Variants in SNTB2 observed in about 807,000 individuals in gnomAD.
SNTB2 encodes beta-2-syntrophin.
Under a neutral mutation model 46.2 loss-of-function variants are expected in SNTB2, and 34 were observed. The observed-to-expected ratio is 0.74, with a 90% CI of 0.56 to 0.98. The LOEUF is 0.98. SNTB2 is among the 50% of genes least tolerant of loss of function. The pLI, the probability that SNTB2 is intolerant of heterozygous loss-of-function variation, is 0.00. For missense variants in SNTB2, 603 were observed against 731.4 expected, an observed-to-expected ratio of 0.82 and a Z score of 2.02; for synonymous variants, 290 against 312.6, an observed-to-expected ratio of 0.93 and a Z score of 0.76.
chr16:69,213,266 AG>A (rs1964307757), intron 1 of SNTB2, among the ~76,000 whole-genome samples: 1 of 152,142 alleles, frequency 6.6e-6, no homozygotes, highest in Admixed American at 6.5e-5. Context: ...TGGTAGTAAA[AG>A]GGGTGATTTC....
intron 1 of SNTB2, among the ~76,000 whole-genome samples, chr16:69,241,532 C>A (rs1463172485): frequency 1.3e-5 from 2 of 150,664 alleles, no homozygotes; most frequent in Non-Finnish European, 3.0e-5. Context: ...AGCCTGTAAT[C>A]CCAGCACTTT....
At chr16:69,235,761 A>G in intron 1 of SNTB2, 1 of 1,289,352 alleles carries the variant, frequency 7.8e-7, no homozygotes, top group Middle Eastern at 2.1e-4. Context: ...TATAATGAGG[A>G]AATTTCTGTC....
intron 1 of SNTB2, among the ~76,000 whole-genome samples, chr16:69,204,166 A>G (rs1230870301): frequency 6.6e-6 from 1 of 152,158 alleles, no homozygotes; most frequent in Non-Finnish European, 1.5e-5. Context: ...TGCTGGGATT[A>G]CAGGCGTGAG....
intron 1 of SNTB2, among the ~76,000 whole-genome samples, chr16:69,227,018 A>G (rs1964465009): frequency 6.6e-6 from 1 of 152,240 alleles, no homozygotes; most frequent in East Asian, 1.9e-4. Flanking sequence ...AACCTTCAGT[A>G]TATGGAGAGA....
intron 1 of SNTB2, among the ~76,000 whole-genome samples, chr16:69,239,537 T>C (rs1964590194): frequency 6.6e-6 from 1 of 151,622 alleles, no homozygotes. Flanking sequence ...GAATTTATTT[T>C]TATTTATTTA....
chr16:69,259,125 G>T (rs1203367617), intron 2 of SNTB2, among the ~76,000 whole-genome samples: 5 of 151,098 alleles, frequency 3.3e-5, no homozygotes, highest in African/African-American at 4.9e-5. Context: ...AGACTCTACA[G>T]TAAGTTCCCT....
Position 69,204,413 on chromosome 16 carries a change from T to A in SNTB2, c.580+16667T>A, listed in dbSNP as rs28715141. 2.4e-3 allele frequency among the ~76,000 whole-genome samples: 370 copies of A among 152,320 alleles called. 2 individuals carry two copies. The highest frequency in any genetic ancestry group is 6.9e-3 in the African/African-American group (287 of 41,578). Reference sequence around the variant, plus strand: ...AGGTCTTATTCCATATATGGAATATTATTGCTCCTCAAAAGAAAAACATGT... The same window carrying A: ...AGGTCTTATTCCATATATGGAATATAATTGCTCCTCAAAAGAAAAACATGT... On this transcript the variant is annotated intron_variant, in intron 1 of 6. Coordinates refer to ENST00000336278, the MANE Select transcript of SNTB2 (RefSeq NM_006750.4).
chr16:69,198,123 G>T (rs1259959041), intron 1 of SNTB2, among the ~76,000 whole-genome samples: 3 of 148,408 alleles, frequency 2.0e-5, no homozygotes, highest in African/African-American at 7.4e-5. Flanking sequence ...TTTTTTGGGG[G>T]GTAGGGGAAC....
At chr16:69,238,156 G>GC (rs1388882471) in intron 1 of SNTB2, among the ~76,000 whole-genome samples, 2 of 152,142 alleles carry the variant, frequency 1.3e-5, no homozygotes, top group Non-Finnish European at 2.9e-5. Context: ...CCAATGTAGA[G>GC]CCCCAATAGG....
In SNTB2 at chr16:69,300,989, AG is replaced by A; in HGVS notation, c.*66del. The A allele has an allele frequency of 9.7e-7, 1 of 1,035,238 alleles. No homozygotes were observed. 64.1% of individuals were successfully genotyped at this position (1,035,238 alleles called of 1,614,324 possible). A position where few individuals can be genotyped will look rare whatever the true frequency, so the allele number is the denominator to read the frequency against. ...AATATTTCCACCTCAAAAAAAAAAA[AG>A]CACAAAAAGAAACTCTTTGCTCTCC... On this transcript the variant is annotated 3_prime_UTR_variant, in exon 7 of 7. Transcript: ENST00000336278.
intron 5 of SNTB2, among the ~76,000 whole-genome samples, chr16:69,295,889 A>G (rs1965218560): frequency 6.6e-6 from 1 of 152,200 alleles, no homozygotes; most frequent in South Asian, 2.1e-4. Context: ...TGATGTACTC[A>G]ATGTTTAGAG....
chr16:69,291,293 C>T (rs1965156900), intron 5 of SNTB2, among the ~76,000 whole-genome samples: 2 of 152,120 alleles, frequency 1.3e-5, no homozygotes, highest in African/African-American at 4.8e-5. Context: ...GGCCTGGGGA[C>T]TTGCTGGAAA....
intron 2 of SNTB2, among the ~76,000 whole-genome samples, chr16:69,257,107 G>T (rs1441824534): frequency 1.3e-5 from 2 of 150,188 alleles, no homozygotes; most frequent in African/African-American, 4.9e-5. Context: ...GCAGTCAGAG[G>T]TTTCAGTGAG....
intron 2 of SNTB2, among the ~76,000 whole-genome samples, chr16:69,259,134 C>G (rs1964808205): frequency 6.6e-6 from 1 of 151,634 alleles, no homozygotes; most frequent in Non-Finnish European, 1.5e-5. Flanking sequence ...AGTAAGTTCC[C>G]TCAGCTTATT....
In SNTB2 at chr16:69,267,727, C is replaced by T. The variant is rs143432143; in HGVS notation, c.1006-2416C>T. ...CTCGTGGCCTTGGCTAAGAGAAGAG[C>T]GTCCCAGTGGTAGATGTTATAGCAC... On this transcript the variant is annotated intron_variant, in intron 3 of 6. Transcript: ENST00000336278. Among the ~76,000 whole-genome samples the T allele has an allele frequency of 2.4e-3, 364 of 152,286 alleles. 1 individual carries two copies. Among genetic ancestry groups the T allele is most frequent in the Middle Eastern group, 0.024 (7 of 294 alleles).
intron 1 of SNTB2, among the ~76,000 whole-genome samples, chr16:69,200,252 T>C (rs1964149220): frequency 6.6e-6 from 1 of 152,138 alleles, no homozygotes; most frequent in South Asian, 2.1e-4. Flanking sequence ...TTACAGTGAG[T>C]TTAGGAATTT....
chr16:69,239,329 T>G (rs940524013), intron 1 of SNTB2, among the ~76,000 whole-genome samples: 1 of 152,234 alleles, frequency 6.6e-6, no homozygotes, highest in Admixed American at 6.5e-5. Context: ...TTTACTTATT[T>G]TATTTTGTAA....
rs541660578 is a variant in SNTB2 at position 69,229,606 on chromosome 16, G to A, written c.581-15996G>A. Among the ~76,000 whole-genome samples, 89 of 150,512 alleles carry A rather than the reference G, an allele frequency of 5.9e-4. 1 individual carries two copies. The South Asian group carries it at 0.014, about 24-fold the overall frequency. On this transcript the variant is annotated intron_variant, in intron 1 of 6. Coordinates refer to ENST00000336278, the MANE Select transcript of SNTB2 (RefSeq NM_006750.4). ...TATGATCCCAGCACTTTGGGAGGCC[G>A]AGGTGGGCGGATCACGAGGTCAAGA...
At chr16:69,239,759 G>A (rs991344763) in intron 1 of SNTB2, among the ~76,000 whole-genome samples, 1 of 152,042 alleles carries the variant, frequency 6.6e-6, no homozygotes, top group Admixed American at 6.6e-5. Context: ...TGGCCAGGCT[G>A]GTCTTGAACT....
Sources: gnomAD v4.1 joint callset for allele counts (sites outside exome capture counted in the v4.1 genomes callset) on GRCh38, gnomAD v4.1.1 for gene constraint, MANE v1.5 for transcripts, NCBI Gene and HGNC (gene_info 2026-07-23, HGNC 2026-07-21) for gene names.